Variants in AQR observed in about 807,000 individuals in gnomAD.
AQR encodes RNA helicase aquarius.
Under a neutral mutation model 180.5 loss-of-function variants are expected in AQR, and 61 were observed. The ratio of observed to expected loss-of-function variants is 0.34; its 90% CI spans 0.28 to 0.42. The LOEUF (loss-of-function observed/expected upper bound fraction) is 0.42, where lower values mean the gene tolerates loss of function less well. Ranked by LOEUF, AQR falls within the 10% of genes least tolerant of loss-of-function variation. The probability of loss-of-function intolerance (pLI) is 1.00; values close to 1 mark genes in which losing one functional copy is unlikely to be tolerated. For synonymous variants in AQR, 551 were observed against 588.8 expected (o/e 0.94, Z 0.93); for missense variants, 1,281 against 1,798.3 (o/e 0.71, Z 5.20).
chr15:34,965,713 C>G (rs2050307018), intron 1 of AQR, among the ~76,000 whole-genome samples: 1 of 151,832 alleles, frequency 6.6e-6, no homozygotes, highest in African/African-American at 2.4e-5. Flanking sequence ...TTACCAATCA[C>G]TCTCCAACTC....
intron 16 of AQR, among the ~76,000 whole-genome samples, chr15:34,912,495 T>G (rs1464330711): frequency 6.6e-6 from 1 of 152,116 alleles, no homozygotes; most frequent in South Asian, 2.1e-4. Context: ...TTCTATATTT[T>G]AAGTATTTCT....
In AQR at chr15:34,860,123, T is replaced by A; in HGVS notation, c.4062A>T (p.Ile1354=). 6.5e-7 allele frequency: 1 copy of A among 1,526,786 alleles called. No individual in the cohort carries two copies. The highest frequency in any genetic ancestry group is 8.9e-7 in the Non-Finnish European group (1 of 1,126,760). 94.6% of individuals were successfully genotyped at this position (1,526,786 alleles called of 1,614,324 possible). A position where few individuals can be genotyped will look rare whatever the true frequency, so the allele number is the denominator to read the frequency against. ...NGERPSHEVQ[I]IKNMPQMANF... ...TTGCCATCTGGGGCATATTTTTTAT[T>A]ATTTGTACTTCATGAGATGGTCTCT... is the stretch of plus-strand genomic sequence containing the variant. Residue 1354 remains isoleucine, a synonymous_variant, in exon 34 of 35, where the codon ATA becomes ATT. Transcript: ENST00000156471.
At chr15:34,879,356 C>T (rs770457452) in intron 27 of AQR, among the ~76,000 whole-genome samples, 8 of 152,192 alleles carry the variant, frequency 5.3e-5, no homozygotes, top group Non-Finnish European at 5.9e-5. Flanking sequence ...AGCTTGCTTA[C>T]GTCACAACCC....
chr15:34,906,214 T>C (rs1893413533), intron 18 of AQR, among the ~76,000 whole-genome samples: 1 of 152,018 alleles, frequency 6.6e-6, no homozygotes, highest in African/African-American at 2.4e-5. Context: ...ACCCCATCTC[T>C]ACAAAAATTA....
At chr15:34,941,074 C>A in intron 7 of AQR, 75 bp from the exon 8 acceptor site, 1 of 1,012,458 alleles carries the variant, frequency 9.9e-7, no homozygotes, top group Non-Finnish European at 1.5e-6. Context: ...CAACTATTTG[C>A]TAGTTTTCTA....
At position 34,855,610 on chromosome 15, in the gene AQR, G is replaced by A. The variant is rs941913452; in HGVS notation, c.*1182C>T. On this transcript the variant is annotated 3_prime_UTR_variant, in exon 35 of 35. Coordinates refer to ENST00000156471, the MANE Select transcript of AQR (RefSeq NM_014691.3). ...AGAGGTCCCTTGTCAGAAAACATTA[G>A]TCACATTCACTGGTAATTCTACATT... is the stretch of plus-strand genomic sequence containing the variant. The A allele has an allele frequency of 4.0e-5, 6 of 150,136 alleles. No homozygotes were observed. The highest frequency in any genetic ancestry group is 1.5e-4 in the African/African-American group (6 of 40,558). 9.3% of individuals were successfully genotyped at this position (150,136 alleles called of 1,614,324 possible).
intron 16 of AQR, 46 bp from the exon 17 acceptor site, chr15:34,910,359 T>C (rs1893481856): frequency 6.3e-7 from 1 of 1,597,834 alleles, no homozygotes. Context: ...AAATAATTTA[T>C]CCCCAACTTT....
chr15:34,928,410 A>G (rs1026502418), intron 12 of AQR, among the ~76,000 whole-genome samples: 1 of 151,944 alleles, frequency 6.6e-6, no homozygotes. Context: ...TGTGTTCTCA[A>G]TGTTCAACTC....
Position 34,906,627 on chromosome 15 carries a change from A to T in AQR, c.1749T>A (p.Phe583Leu), listed in dbSNP as rs1893422612. 1.9e-6 allele frequency: 3 copies of T among 1,614,076 alleles called. No homozygotes were observed. The highest frequency in any genetic ancestry group is 2.5e-6 in the Non-Finnish European group (3 of 1,179,986). The change falls in exon 18 of 35, where the codon TTT becomes TTA. Residue 583 changes from phenylalanine to leucine, a missense_variant. Transcript: ENST00000156471. ...CATAAACCAGGCCAACCTGCTCAAT[A>T]AAAGGTCTCCTCCGGTCAAACTTAG... ...YGTKFDRRRP[F>L]IEQVGLVYVR...
intron 20 of AQR, 102 bp downstream of exon 20, chr15:34,900,520 C>A: frequency 7.0e-7 from 1 of 1,427,290 alleles, no homozygotes; most frequent in Admixed American, 2.3e-5. Context: ...AAAACAAAAT[C>A]CAAATATAGT....
At chr15:34,906,807 T>C in intron 17 of AQR, 95 bp from the exon 18 acceptor site, 2 of 1,192,512 alleles carry the variant, frequency 1.7e-6, no homozygotes, top group Non-Finnish European at 2.3e-6. Context: ...CTCTTATCTT[T>C]GGTAGAGAGA....
chr15:34,888,103 G>A (rs1893089604), intron 24 of AQR, among the ~76,000 whole-genome samples: 1 of 151,914 alleles, frequency 6.6e-6, no homozygotes, highest in South Asian at 2.1e-4. Context: ...TTCAAGACTA[G>A]CCTGGCCAAC....
intron 3 of AQR, among the ~76,000 whole-genome samples, chr15:34,954,468 G>A (rs1894278380): frequency 6.6e-6 from 1 of 151,986 alleles, no homozygotes; most frequent in African/African-American, 2.4e-5. Context: ...ACCACGTCCA[G>A]CTAATTTTTT....
Position 34,856,932 on chromosome 15 carries a change from T to TG in AQR, c.4317dup (p.Ser1440GlnfsTer2). On this transcript the variant is annotated frameshift_variant, in exon 35 of 35. Coordinates refer to ENST00000156471, the MANE Select transcript of AQR (RefSeq NM_014691.3). LOFTEE classifies it low-confidence loss of function (END_TRUNC). The stretch of plus-strand genomic sequence containing the variant: ...GGAGTGGAAGTGGCTCCTGTCTCAC[T>TG]GGGGGTGGTGTCAGTTTGAAAGGCT... 1 of 1,614,072 alleles carries TG rather than the reference T, an allele frequency of 6.2e-7. No individual in the cohort carries two copies. The highest frequency in any genetic ancestry group is 8.5e-7 in the Non-Finnish European group (1 of 1,180,000).
In AQR at chr15:34,931,692, C is replaced by T. The variant is rs368591956; in HGVS notation, c.900+626G>A. ...GCGTGGCGGTGCATGCCTGTAATTCCGGCTACTGGGGAGACTGAGGCAGGA... is the reference window on the plus strand; with the variant it reads ...GCGTGGCGGTGCATGCCTGTAATTCTGGCTACTGGGGAGACTGAGGCAGGA... On this transcript the variant is annotated intron_variant, in intron 11 of 34. Coordinates refer to ENST00000156471, the MANE Select transcript of AQR (RefSeq NM_014691.3). Among the ~76,000 whole-genome samples the T allele has an allele frequency of 8.5e-5, 13 of 152,154 alleles. 2 individuals are homozygous for T. Among genetic ancestry groups the T allele is most frequent in the East Asian group, 3.9e-4 (2 of 5,174 alleles).
intron 24 of AQR, among the ~76,000 whole-genome samples, chr15:34,889,155 A>T (rs908448271): frequency 1.3e-5 from 2 of 152,204 alleles, no homozygotes; most frequent in African/African-American, 4.8e-5. Context: ...TACCTTTGTA[A>T]GTTGGCTTTA....
intron 16 of AQR, among the ~76,000 whole-genome samples, chr15:34,913,032 C>T (rs1038525131): frequency 6.6e-6 from 1 of 152,164 alleles, no homozygotes; most frequent in Non-Finnish European, 1.5e-5. Context: ...TTTTTTACAG[C>T]TTTAATGCAG....
chr15:34,876,510 CTT>C (rs1892891387), intron 27 of AQR, among the ~76,000 whole-genome samples: 1 of 152,072 alleles, frequency 6.6e-6, no homozygotes, highest in African/African-American at 2.4e-5. Flanking sequence ...CTTCAAAACT[CTT>C]GAGTCTATTC....
intron 13 of AQR, among the ~76,000 whole-genome samples, chr15:34,923,756 CTCTAA>C (rs1834991884): frequency 6.6e-6 from 1 of 152,154 alleles, no homozygotes; most frequent in African/African-American, 2.4e-5. Flanking sequence ...TATTTCTGGA[CTCTAA>C]TCTATTCCAT....
Sources: allele counts gnomAD v4.1 joint callset (sites outside exome capture counted in the v4.1 genomes callset), GRCh38; gene constraint gnomAD v4.1.1; transcripts MANE v1.5; gene names NCBI Gene and HGNC (gene_info 2026-07-23, HGNC 2026-07-21).